Variants in SEMA6D observed in about 807,000 individuals in gnomAD.
SEMA6D encodes the protein semaphorin 6D, also known as semaphorin-6D.
A neutral mutation model predicts 106.6 loss-of-function variants in SEMA6D; 35 were observed. That is an observed-to-expected ratio of 0.33 (90% CI 0.25 to 0.44). The LOEUF (loss-of-function observed/expected upper bound fraction) is 0.44. SEMA6D is among the 20% of genes least tolerant of loss of function. The pLI, the probability that SEMA6D is intolerant of heterozygous loss-of-function variation, is 1.00. For synonymous variants in SEMA6D, 499 were observed against 487.7 expected (o/e 1.02, Z -0.31); for missense variants, 1,185 against 1,345.9 (o/e 0.88, Z 1.87).
At chr15:47,647,719 C>CAAAAAAAAAAAAAAAA (rs777557315) in intron 4 of SEMA6D, among the ~76,000 whole-genome samples, 1 of 93,778 alleles carries the variant, frequency 1.1e-5, no homozygotes, top group Admixed American at 1.2e-4. Flanking sequence ...CAATTGTGGG[C>CAAAAAAAAAAAAAAAA]AAAAAAAAAA....
intron 2 of SEMA6D, among the ~76,000 whole-genome samples, chr15:47,465,697 A>G (rs1335438819): frequency 6.6e-6 from 1 of 152,120 alleles, no homozygotes; most frequent in African/African-American, 2.4e-5. Flanking sequence ...CCTGCCATGT[A>G]AGATGTGCCT....
At chr15:47,255,470 C>G (rs2033756790) in intron 1 of SEMA6D, among the ~76,000 whole-genome samples, 1 of 151,640 alleles carries the variant, frequency 6.6e-6, no homozygotes, top group Non-Finnish European at 1.5e-5. Flanking sequence ...TCTCCTTGTA[C>G]TAATTTTGGA....
intron 4 of SEMA6D, chr15:47,600,906 A>G (rs1183657778): frequency 6.6e-6 from 1 of 152,110 alleles, no homozygotes; most frequent in Non-Finnish European, 1.5e-5. Context: ...GGTAAACAAC[A>G]TACTGTTCTC....
intron 1 of SEMA6D, among the ~76,000 whole-genome samples, chr15:47,294,719 A>G (rs1211390150): frequency 6.6e-6 from 1 of 152,172 alleles, no homozygotes; most frequent in Admixed American, 6.6e-5. Flanking sequence ...CCCTTCCTGC[A>G]GGATTCTCCT....
intron 1 of SEMA6D, among the ~76,000 whole-genome samples, chr15:47,195,801 G>A (rs1894300460): frequency 6.6e-6 from 1 of 152,146 alleles, no homozygotes; most frequent in Non-Finnish European, 1.5e-5. Context: ...TGAGCACTTT[G>A]AGGGTGGACA....
intron 2 of SEMA6D, among the ~76,000 whole-genome samples, chr15:47,466,341 A>T (rs922903972): frequency 6.6e-6 from 1 of 152,020 alleles, no homozygotes; most frequent in East Asian, 1.9e-4. Context: ...TGTAGCACCC[A>T]CTTTTCTACT....
intron 1 of SEMA6D, among the ~76,000 whole-genome samples, chr15:47,237,225 A>G (rs1039846563): frequency 6.6e-6 from 1 of 152,186 alleles, no homozygotes; most frequent in African/African-American, 2.4e-5. Flanking sequence ...ATGGAATTCC[A>G]TACAAGGAAT....
chr15:47,353,051 A>G lies in SEMA6D; in HGVS notation c.-238-59342A>G, dbSNP rs1764816350. Among the ~76,000 whole-genome samples, 3 of 142,478 alleles carry G rather than the reference A, an allele frequency of 2.1e-5. No homozygotes were observed. The South Asian group carries it at 7.5e-4, about 36-fold the overall frequency. The allele number at this position is 142,478 out of a possible 152,430, so 93.5% of individuals were successfully genotyped here. A position where few individuals can be genotyped will look rare whatever the true frequency, so the allele number is the denominator to read the frequency against. The stretch of plus-strand genomic sequence containing the variant: ...GGGTTTTGATTTGTTTTCATTTTCA[A>G]ATGGTAGTTTATTTTGTGTGTGTGT... On this transcript the variant is annotated intron_variant, in intron 1 of 19. Transcript: ENST00000558014.
At chr15:47,278,776 G>C (rs1292157591) in intron 1 of SEMA6D, among the ~76,000 whole-genome samples, 20 of 149,460 alleles carry the variant, frequency 1.3e-4, no homozygotes, top group Non-Finnish European at 2.4e-4. Context: ...AATCCATCTT[G>C]AATTGATTTT....
intron 4 of SEMA6D, among the ~76,000 whole-genome samples, chr15:47,674,685 GT>G (rs1311043451): frequency 1.3e-5 from 2 of 152,174 alleles, no homozygotes; most frequent in African/African-American, 4.8e-5. Context: ...AAGCAGTGCT[GT>G]GTAGCCAAAA....
chr15:47,258,268 T>TG (rs1191856589), intron 1 of SEMA6D, among the ~76,000 whole-genome samples: 28 of 152,224 alleles, frequency 1.8e-4, no homozygotes, highest in African/African-American at 6.3e-4. Context: ...ATTATTAATA[T>TG]GTTAGAACCG....
intron 3 of SEMA6D, among the ~76,000 whole-genome samples, chr15:47,573,349 A>C (rs899745875): frequency 6.6e-6 from 1 of 152,240 alleles, no homozygotes; most frequent in Non-Finnish European, 1.5e-5. Flanking sequence ...CTTATAAAAC[A>C]GGCAAGATTT....
At chr15:47,357,258 T>A (rs2010205) in intron 1 of SEMA6D, among the ~76,000 whole-genome samples, 4 of 151,784 alleles carry the variant, frequency 2.6e-5, no homozygotes, top group African/African-American at 9.7e-5. Context: ...GGCATGAACC[T>A]GGGGGGCGGA....
At chr15:47,665,369 T>G (rs896997946) in intron 4 of SEMA6D, among the ~76,000 whole-genome samples, 5 of 152,232 alleles carry the variant, frequency 3.3e-5, no homozygotes, top group Admixed American at 3.3e-4. Context: ...TGCTTTTGTC[T>G]TTTGTTTTCT....
intron 1 of SEMA6D, among the ~76,000 whole-genome samples, chr15:47,282,839 T>C (rs1343694371): frequency 1.3e-5 from 2 of 152,146 alleles, no homozygotes; most frequent in Non-Finnish European, 2.9e-5. Context: ...TTTTCCCTTT[T>C]CTAGGTAGAC....
chr15:47,576,946 A>G (rs7359323), intron 3 of SEMA6D, among the ~76,000 whole-genome samples: 149,475 of 152,306 alleles, frequency 0.98, 73,355 homozygotes, highest in Middle Eastern at 1. Flanking sequence ...ACCTACAGAA[A>G]TACATCTTGG....
chr15:47,352,820 T>C (rs1308407632), intron 1 of SEMA6D, among the ~76,000 whole-genome samples: 1 of 152,186 alleles, frequency 6.6e-6, no homozygotes, highest in African/African-American at 2.4e-5. Flanking sequence ...TATATTATGC[T>C]AATAGACTCA....
intron 1 of SEMA6D, among the ~76,000 whole-genome samples, chr15:47,355,081 T>C (rs2038514912): frequency 6.6e-6 from 1 of 152,184 alleles, no homozygotes; most frequent in Non-Finnish European, 1.5e-5. Context: ...TTGTGTACCC[T>C]AGTTCTGTGT....
At chr15:47,360,691 TCTC>T (rs1249856899) in intron 1 of SEMA6D, among the ~76,000 whole-genome samples, 6 of 152,330 alleles carry the variant, frequency 3.9e-5, no homozygotes, top group Admixed American at 3.3e-4. Flanking sequence ...AGGTGTCCAT[TCTC>T]CTCATATGGC....
Sources: allele counts gnomAD v4.1 joint callset (sites outside exome capture counted in the v4.1 genomes callset), GRCh38; gene constraint gnomAD v4.1.1; transcripts MANE v1.5; gene names NCBI Gene and HGNC (gene_info 2026-07-23, HGNC 2026-07-21).